Variants in KIAA1958 observed in about 807,000 individuals in gnomAD.
The protein encoded by KIAA1958 is uncharacterized protein KIAA1958.
KIAA1958 carries 14 observed loss-of-function variants against 47.2 expected under a neutral mutation model. The observed-to-expected ratio is 0.30, with a 90% CI of 0.20 to 0.46. The LOEUF (loss-of-function observed/expected upper bound fraction) is 0.46. Ranked by LOEUF, KIAA1958 falls within the 20% of genes least tolerant of loss-of-function variation. The pLI, the probability that KIAA1958 is intolerant of heterozygous loss-of-function variation, is 1.00. For missense variants in KIAA1958, 803 were observed against 909.2 expected, an observed-to-expected ratio of 0.88 and a Z score of 1.50; for synonymous variants, 354 against 353.3, an observed-to-expected ratio of 1.00 and a Z score of -0.02.
Position 112,575,271 on chromosome 9 carries a change from A to G in KIAA1958, c.1171+20A>G, listed in dbSNP as rs1835626650. Reference sequence around the variant, plus strand: ...TACCAGGTATGGCACATGAGGCGACAGTGAGTCCCTCATCCACGCACGCCA... The same window carrying G: ...TACCAGGTATGGCACATGAGGCGACGGTGAGTCCCTCATCCACGCACGCCA... On this transcript the variant is annotated intron_variant, in intron 2 of 3. Transcript: ENST00000337530. 2 of 1,470,610 alleles carry G rather than the reference A, an allele frequency of 1.4e-6. No individual in the cohort carries two copies. Among genetic ancestry groups the G allele is most frequent in the East Asian group, 2.3e-5 (1 of 43,812 alleles). The allele number at this position is 1,470,610 out of a possible 1,614,324, so 91.1% of individuals were successfully genotyped here.
At chr9:112,497,094 A>G (rs1016468859) in intron 1 of KIAA1958, among the ~76,000 whole-genome samples, 1 of 152,220 alleles carries the variant, frequency 6.6e-6, no homozygotes, top group African/African-American at 2.4e-5. Context: ...GATATAATAC[A>G]GAGAGGTTCT....
chr9:112,582,312 C>A (rs1013680531), intron 2 of KIAA1958, among the ~76,000 whole-genome samples: 17 of 152,172 alleles, frequency 1.1e-4, no homozygotes, highest in African/African-American at 4.1e-4. Context: ...GTGATTATTA[C>A]ACATTTGCAT....
intron 1 of KIAA1958, among the ~76,000 whole-genome samples, chr9:112,561,221 A>T (rs1466937642): frequency 6.6e-6 from 1 of 151,498 alleles, no homozygotes; most frequent in Admixed American, 6.6e-5. Context: ...CACCCGGCTA[A>T]TTTTTTGTAT....
chr9:112,524,741 T>C (rs1834611299), intron 1 of KIAA1958, among the ~76,000 whole-genome samples: 1 of 152,178 alleles, frequency 6.6e-6, no homozygotes, highest in Non-Finnish European at 1.5e-5. Context: ...AATTTTTAAT[T>C]ATATTTAATT....
intron 2 of KIAA1958, among the ~76,000 whole-genome samples, chr9:112,576,164 G>C (rs987501455): frequency 1.3e-5 from 2 of 152,134 alleles, no homozygotes; most frequent in Non-Finnish European, 2.9e-5. Flanking sequence ...GGATTAAGTT[G>C]CTTTACAAAC....
At chr9:112,645,870 C>T (rs1433254115) in intron 3 of KIAA1958, 48 bp downstream of exon 3, 1 of 1,557,124 alleles carries the variant, frequency 6.4e-7, no homozygotes, top group South Asian at 1.2e-5. Context: ...CACTGAGCTT[C>T]CAAATGCCAG....
At chr9:112,499,005 G>A (rs1352724339) in intron 1 of KIAA1958, among the ~76,000 whole-genome samples, 1 of 152,056 alleles carries the variant, frequency 6.6e-6, no homozygotes, top group Admixed American at 6.5e-5. Context: ...TTATTTTTCT[G>A]TGCCTGACTT....
chr9:112,572,212 C>A (rs1342318821), intron 1 of KIAA1958, among the ~76,000 whole-genome samples: 1 of 152,018 alleles, frequency 6.6e-6, no homozygotes, highest in African/African-American at 2.4e-5. Context: ...ACTGTCTAAT[C>A]CCTTGAATGA....
intron 1 of KIAA1958, among the ~76,000 whole-genome samples, chr9:112,533,563 A>T (rs1407675858): frequency 1.5e-5 from 2 of 130,640 alleles, no homozygotes; most frequent in African/African-American, 5.9e-5. Flanking sequence ...CCTGGGCGAC[A>T]CAGCGAGACT....
In KIAA1958 at chr9:112,618,027, C is replaced by A; in HGVS notation, c.1172-27623C>A. 1.3e-6 allele frequency: 2 copies of A among 1,550,588 alleles called. No individual in the cohort carries two copies. Among genetic ancestry groups the A allele is most frequent in the Non-Finnish European group, 1.7e-6 (2 of 1,147,004 alleles). On this transcript the variant is annotated intron_variant, in intron 2 of 3. Transcript: ENST00000337530. The surrounding 1 kb of genome is among the most constrained non-coding windows in gnomAD (Gnocchi z 7.1). ...GTCATCCCTTGCAAGGAGTTGGATG[C>A]CTACCTTGCCTCTTTCTTTGTTGAT...
chr9:112,514,972 G>C (rs371854338), intron 1 of KIAA1958, among the ~76,000 whole-genome samples: 1 of 76,386 alleles, frequency 1.3e-5, no homozygotes, highest in Admixed American at 1.1e-4. Context: ...CGCCCCGTCC[G>C]GGAGGGAGGT....
intron 2 of KIAA1958, among the ~76,000 whole-genome samples, chr9:112,624,292 A>G (rs1006717206): frequency 4.6e-5 from 7 of 152,262 alleles, no homozygotes; most frequent in Non-Finnish European, 8.8e-5. Context: ...GCAGTGATCA[A>G]TTAAGAAATG....
At chr9:112,552,706 C>T (rs1278707906) in intron 1 of KIAA1958, among the ~76,000 whole-genome samples, 4 of 152,220 alleles carry the variant, frequency 2.6e-5, no homozygotes, top group African/African-American at 7.2e-5. Context: ...GTGCCTTAGT[C>T]AGATATTCTG....
chr9:112,513,073 C>T (rs1465996307), intron 1 of KIAA1958, among the ~76,000 whole-genome samples: 4 of 138,808 alleles, frequency 2.9e-5, no homozygotes, highest in East Asian at 4.4e-4. Flanking sequence ...GGCGCGATCT[C>T]GGCTCACTGC....
chr9:112,602,234 C>A (rs776701891), intron 2 of KIAA1958, among the ~76,000 whole-genome samples: 3 of 151,940 alleles, frequency 2.0e-5, no homozygotes, highest in Non-Finnish European at 4.4e-5. Context: ...TTTTTTCCCC[C>A]AAAAGATTGC....
At chr9:112,544,708 A>G (rs938102444) in intron 1 of KIAA1958, among the ~76,000 whole-genome samples, 12 of 152,180 alleles carry the variant, frequency 7.9e-5, no homozygotes, top group Admixed American at 5.9e-4. Flanking sequence ...AAGCTCTGCA[A>G]CTTATACATT....
intron 2 of KIAA1958, among the ~76,000 whole-genome samples, chr9:112,638,204 G>T (rs1440539169): frequency 1.3e-5 from 2 of 151,968 alleles, no homozygotes; most frequent in Non-Finnish European, 2.9e-5. Flanking sequence ...GTGGGAAGTT[G>T]AAAAAGAAAA....
intron 2 of KIAA1958, among the ~76,000 whole-genome samples, chr9:112,604,864 T>G (rs1490823248): frequency 6.7e-6 from 1 of 149,770 alleles, no homozygotes; most frequent in Non-Finnish European, 1.5e-5. Context: ...GAAAAATAAT[T>G]GACTTAACAG....
At position 112,659,617 on chromosome 9, in the gene KIAA1958, C is replaced by A; in HGVS notation, c.1699C>A (p.Leu567Met). ...STVVKYNSQY[L>M]NMRTLQEHAD... is the part of the protein sequence containing the mutation. ...TGTGGTCAAGTACAACAGCCAGTACCTGAACATGCGGACGCTGCAGGAGCA... is the reference window on the plus strand; with the variant it reads ...TGTGGTCAAGTACAACAGCCAGTACATGAACATGCGGACGCTGCAGGAGCA... The change falls in exon 4 of 4, where the codon CTG becomes ATG. Residue 567 changes from leucine to methionine, a missense_variant. Physicochemically the swap from Leu to Met is conservative, Grantham distance 15. Around this residue, in one of 2 missense-constraint regions of KIAA1958, gnomAD observed 761 missense variants for 829.3 expected, o/e 0.92. Transcript: ENST00000337530. The A allele has an allele frequency of 6.2e-7, 1 of 1,614,098 alleles. No homozygotes were observed.
Sources: gnomAD v4.1 joint callset for allele counts (sites outside exome capture counted in the v4.1 genomes callset) on GRCh38, gnomAD v4.1.1 for gene constraint, gnomAD v4.1.1 regional missense constraint, Gnocchi (gnomAD v3.1) non-coding constraint, MANE v1.5 for transcripts, NCBI Gene and HGNC (gene_info 2026-07-23, HGNC 2026-07-21) for gene names.